The following ITPR3 variants were observed in gnomAD, a reference collection of about 807,000 sequenced individuals.
ITPR3 encodes the protein inositol 1,4,5-trisphosphate-gated calcium channel ITPR3.
A neutral mutation model predicts 293.2 loss-of-function variants in ITPR3; 173 were observed. The observed-to-expected ratio is 0.59, with a 90% CI of 0.52 to 0.67. The LOEUF is 0.67. Among genes scored for constraint, ITPR3 ranks in the 30% least tolerant of loss-of-function variants. ITPR3 has a pLI of 0.00. For synonymous variants in ITPR3, 1,295 were observed against 1,444.4 expected (o/e 0.90, Z 2.35); for missense variants, 2,796 against 3,592.1 (o/e 0.78, Z 5.66).
rs867577652 is a variant in ITPR3, at chr6:33,665,688, G to C, written c.1410-147G>C. ...GCATTTCAGGGGAAAGCCGGGAAGA[G>C]GAATTGTAGGCTGAGGATGGGTTTT... On this transcript the variant is annotated intron_variant, in intron 13 of 57. Coordinates refer to ENST00000605930, the MANE Select transcript of ITPR3 (RefSeq NM_002224.4). 39 of 847,366 alleles carry C rather than the reference G, an allele frequency of 4.6e-5. No individual in the cohort carries two copies. In the Middle Eastern group the frequency reaches 1.4e-3, roughly 30 times the overall value. The allele number at this position is 847,366 out of a possible 1,614,324, so 52.5% of individuals were successfully genotyped here. A position where few individuals can be genotyped will look rare whatever the true frequency, so the allele number is the denominator to read the frequency against.
At chr6:33,680,849 T>C (rs1275366981) in intron 33 of ITPR3, among the ~76,000 whole-genome samples, 169 bp downstream of exon 33, 2 of 148,958 alleles carry the variant, frequency 1.3e-5, no homozygotes, top group African/African-American at 5.1e-5. Flanking sequence ...GAGATGGAGT[T>C]TCACTCTGTC....
chr6:33,678,699 A>G lies in ITPR3; in HGVS notation c.3832A>G (p.Ile1278Val), dbSNP rs1764983009. ...GAACAACTATCAGCTCTGCTCCGAGATCAGCGAGCCTGTGTTGCAGCACTT... is the reference window on the plus strand; with the variant it reads ...GAACAACTATCAGCTCTGCTCCGAGGTCAGCGAGCCTGTGTTGCAGCACTT... ...FLNNYQLCSE[I>V]SEPVLQHFVH... The change falls in exon 30 of 58, where the codon ATC (isoleucine) becomes GTC (valine). Residue 1278 changes from isoleucine (I) to valine (V), a missense_variant. Ile to Val is a conservative substitution (Grantham distance 29). Transcript: ENST00000605930. 1 of 1,613,226 alleles carries G rather than the reference A, an allele frequency of 6.2e-7. No individual in the cohort carries two copies. The highest frequency in any genetic ancestry group is 8.5e-7 in the Non-Finnish European group (1 of 1,179,790).
rs143656189 is a variant in ITPR3 at position 33,649,677 on chromosome 6, A to G, written c.161-6089A>G. Among the ~76,000 whole-genome samples the G allele has an allele frequency of 6.6e-3, 1,007 of 152,360 alleles. 4 individuals carry two copies. Among genetic ancestry groups the G allele is most frequent in the Non-Finnish European group, 0.011 (769 of 68,036 alleles). ...GCATTATTTCTTGCAGAGCTTTTAC[A>G]TTACTGCAACCGTATAACTTGCTTT... On this transcript the variant is annotated intron_variant, in intron 2 of 57. Coordinates refer to ENST00000605930, the MANE Select transcript of ITPR3 (RefSeq NM_002224.4).
At chr6:33,651,671 T>G (rs1261663811) in intron 2 of ITPR3, among the ~76,000 whole-genome samples, 1 of 152,242 alleles carries the variant, frequency 6.6e-6, no homozygotes, top group East Asian at 1.9e-4. Context: ...CTATGTCTGT[T>G]TTGTTTTCCT....
At chr6:33,634,161 G>T (rs1442489807) in intron 1 of ITPR3, among the ~76,000 whole-genome samples, 1 of 152,072 alleles carries the variant, frequency 6.6e-6, no homozygotes, top group South Asian at 2.1e-4. Flanking sequence ...TAATGAGTAC[G>T]CACAGAGACA....
chr6:33,671,023 C>G (rs1764746397), intron 20 of ITPR3, 142 bp from the exon 21 acceptor site: 1 of 1,429,584 alleles, frequency 7.0e-7, no homozygotes, highest in South Asian at 1.3e-5. Context: ...CTGCCTCTCC[C>G]TGCTCCGCTC....
At chr6:33,688,465 T>C (rs201700022) in intron 48 of ITPR3, 34 bp downstream of exon 48, 7 of 1,480,628 alleles carry the variant, frequency 4.7e-6, no homozygotes, top group African/African-American at 2.8e-5. Context: ...TGGGGCGGTC[T>C]GGAGCTGTTC....
chr6:33,649,436 G>A (rs1172531279), intron 2 of ITPR3, among the ~76,000 whole-genome samples: 1 of 151,588 alleles, frequency 6.6e-6, no homozygotes, highest in Non-Finnish European at 1.5e-5. Flanking sequence ...TGTTGGTCAG[G>A]CTAGTCTCAA....
rs1444223850 is a variant in ITPR3 at position 33,638,790 on chromosome 6, G to T, written c.90-1694G>T. 6.6e-6 allele frequency among the ~76,000 whole-genome samples: 1 copy of T among 152,232 alleles called. No individual in the cohort carries two copies. The highest frequency in any genetic ancestry group is 1.5e-5 in the Non-Finnish European group (1 of 68,040). Reference sequence around the variant, plus strand: ...GTGTAGACACAGCAAGTCAAGAAGTGGGGAGAGACACTGCCAGGACCAGGT... The same window carrying T: ...GTGTAGACACAGCAAGTCAAGAAGTTGGGAGAGACACTGCCAGGACCAGGT... On this transcript the variant is annotated intron_variant, in intron 1 of 57. Transcript: ENST00000605930. The surrounding 1 kb of genome is among the most constrained non-coding windows in gnomAD (Gnocchi z 4.3).
Position 33,674,275 on chromosome 6 carries a change from G to C in ITPR3, c.3116+10G>C, listed in dbSNP as rs1764847650. ...CCATGTTTGGAGTGGGGTGAGGCCA[G>C]GGTTGAGCTGCAGGGGTGTGTGGGG... On this transcript the variant is annotated intron_variant, in intron 24 of 57. Transcript: ENST00000605930. 11 of 1,613,632 alleles carry C rather than the reference G, an allele frequency of 6.8e-6. 1 individual carries two copies. In the African/African-American group the frequency reaches 1.2e-4, roughly 18 times the overall value.
chr6:33,636,337 T>G (rs952714025), intron 1 of ITPR3, among the ~76,000 whole-genome samples: 7 of 151,782 alleles, frequency 4.6e-5, no homozygotes, highest in African/African-American at 1.7e-4. Flanking sequence ...CCCCTGCTTC[T>G]GTGTGGGAAA....
rs868477883 is a variant in ITPR3, at chr6:33,662,540, C to T, written c.724C>T (p.Arg242Trp). ...EEVLKGGDVV[R>W]LFHAEQEKFL... Reference sequence around the variant, plus strand: ...CTGCTGCCTGCAGGGAGACGTGGTGCGGCTGTTCCATGCGGAGCAGGAGAA... The same window carrying T: ...CTGCTGCCTGCAGGGAGACGTGGTGTGGCTGTTCCATGCGGAGCAGGAGAA... Residue 242 changes from arginine to tryptophan, a missense_variant, in exon 8 of 58, where the codon CGG becomes TGG. Coordinates refer to ENST00000605930, the MANE Select transcript of ITPR3 (RefSeq NM_002224.4). 3 of 1,597,802 alleles carry T rather than the reference C, an allele frequency of 1.9e-6. No individual in the cohort carries two copies. Among genetic ancestry groups the T allele is most frequent in the Non-Finnish European group, 2.6e-6 (3 of 1,173,988 alleles).
chr6:33,688,275 T>G lies in ITPR3; in HGVS notation c.6412T>G (p.Phe2138Val). 3 of 1,614,172 alleles carry G rather than the reference T, an allele frequency of 1.9e-6. No homozygotes were observed. The highest frequency in any genetic ancestry group is 2.5e-6 in the Non-Finnish European group (3 of 1,180,008). The change falls in exon 48 of 58, where the codon TTC becomes GTC. Residue 2138 changes from phenylalanine (F) to valine (V), a missense_variant. This residue lies in a region of ITPR3 where 568 missense variants were observed against 796.1 expected (regional missense o/e 0.71). Coordinates refer to ENST00000605930, the MANE Select transcript of ITPR3 (RefSeq NM_002224.4). ...RQDRSMEQIVFPVPGICQFLT... is the reference protein window; with the variant it reads ...RQDRSMEQIVVPVPGICQFLT... Reference sequence around the variant, plus strand: ...GGACCGCAGCATGGAGCAGATCGTGTTCCCAGTGCCCGGCATCTGCCAGTT... The same window carrying G: ...GGACCGCAGCATGGAGCAGATCGTGGTCCCAGTGCCCGGCATCTGCCAGTT...
At chr6:33,645,661 G>T (rs1193959568) in intron 2 of ITPR3, among the ~76,000 whole-genome samples, 3 of 152,176 alleles carry the variant, frequency 2.0e-5, no homozygotes, top group Non-Finnish European at 4.4e-5. Flanking sequence ...TGTGGGGGCA[G>T]CTCCCTTCGC....
Position 33,694,910 on chromosome 6 carries a change from G to T in ITPR3, c.7786-14G>T. The stretch of plus-strand genomic sequence containing the variant: ...GGGCCCACGCCTGCTTAACCCACTG[G>T]TGATGTTTTTCAGAACAAGAACCTG... On this transcript the variant is annotated splice_polypyrimidine_tract_variant and intron_variant, in intron 56 of 57. Coordinates refer to ENST00000605930, the MANE Select transcript of ITPR3 (RefSeq NM_002224.4). The T allele has an allele frequency of 6.2e-7, 1 of 1,614,068 alleles. No individual in the cohort carries two copies. Among genetic ancestry groups the T allele is most frequent in the Non-Finnish European group, 8.5e-7 (1 of 1,180,012 alleles).
At position 33,675,246 on chromosome 6, in the gene ITPR3, A is replaced by G. The variant is rs535821987; in HGVS notation, c.3117-445A>G. The stretch of plus-strand genomic sequence containing the variant: ...AGACCAGCCTGGCCAACATGGTGAA[A>G]CCCTGTCTCTACTAAAAATACAAAA... On this transcript the variant is annotated intron_variant, in intron 24 of 57. Transcript: ENST00000605930. This position sits in a 1 kb window ranked among gnomAD's most constrained non-coding sequence, Gnocchi z 5.0. Among the ~76,000 whole-genome samples the G allele has an allele frequency of 6.6e-6, 1 of 152,060 alleles. No individual in the cohort carries two copies. Among genetic ancestry groups the G allele is most frequent in the Non-Finnish European group, 1.5e-5 (1 of 68,008 alleles).
intron 56 of ITPR3, chr6:33,694,403 TC>T (rs546759207): frequency 1.7e-4 from 29 of 168,318 alleles, no homozygotes; most frequent in South Asian, 6.0e-4. Context: ...TGGTGCCCCC[TC>T]CCCCCCCGAC....
chr6:33,671,508 G>C (rs1395571273), intron 21 of ITPR3, among the ~76,000 whole-genome samples: 1 of 152,212 alleles, frequency 6.6e-6, no homozygotes, highest in Non-Finnish European at 1.5e-5. Flanking sequence ...TGGAGACCCC[G>C]GGTCTGTGGG....
chr6:33,646,130 C>A (rs763090097), intron 2 of ITPR3, among the ~76,000 whole-genome samples: 1 of 152,178 alleles, frequency 6.6e-6, no homozygotes. Context: ...GCCACCACAC[C>A]TGGCCGAAAA....
Sources: gnomAD v4.1 joint callset for allele counts (sites outside exome capture counted in the v4.1 genomes callset) on GRCh38, gnomAD v4.1.1 for gene constraint, gnomAD v4.1.1 regional missense constraint, Gnocchi (gnomAD v3.1) non-coding constraint, MANE v1.5 for transcripts, NCBI Gene and HGNC (gene_info 2026-07-23, HGNC 2026-07-21) for gene names.